Variants in TMEM117 observed in about 807,000 individuals in gnomAD.
TMEM117 encodes transmembrane protein 117.
A neutral mutation model predicts 52.4 loss-of-function variants in TMEM117; 27 were observed. The observed-to-expected ratio is 0.51, with a 90% CI of 0.38 to 0.71. TMEM117 has a LOEUF of 0.71. Among genes scored for constraint, TMEM117 ranks in the 30% least tolerant of loss-of-function variants. The probability of loss-of-function intolerance (pLI) is 0.00; values close to 1 mark genes in which losing one functional copy is unlikely to be tolerated. For missense variants in TMEM117, 556 were observed against 630.5 expected (o/e 0.88, Z 1.26); for synonymous variants, 215 against 206.3 (o/e 1.04, Z -0.36).
chr12:43,995,162 T>G (rs1226290192), intron 3 of TMEM117, among the ~76,000 whole-genome samples: 1 of 151,618 alleles, frequency 6.6e-6, no homozygotes, highest in East Asian at 1.9e-4. Context: ...TCCCAGTTAC[T>G]CAGGAGGCTG....
intron 3 of TMEM117, among the ~76,000 whole-genome samples, chr12:43,961,678 C>A (rs76876041): frequency 2.0e-5 from 3 of 152,018 alleles, no homozygotes; most frequent in Non-Finnish European, 4.4e-5. Context: ...AAATTTGATA[C>A]AATTATGGAT....
At chr12:43,976,752 C>T (rs1945677563) in intron 3 of TMEM117, among the ~76,000 whole-genome samples, 1 of 152,124 alleles carries the variant, frequency 6.6e-6, no homozygotes, top group Admixed American at 6.6e-5. Flanking sequence ...CCTACATCTC[C>T]CCCTTTTCTG....
intron 6 of TMEM117, among the ~76,000 whole-genome samples, chr12:44,357,753 T>C (rs543143140): frequency 3.2e-4 from 49 of 152,084 alleles, no homozygotes; most frequent in Non-Finnish European, 5.3e-4. Context: ...CTGTGGAAAG[T>C]AGTTTGGAGA....
intron 6 of TMEM117, among the ~76,000 whole-genome samples, chr12:44,343,843 C>T (rs1951448866): frequency 6.6e-6 from 1 of 152,070 alleles, no homozygotes; most frequent in Admixed American, 6.6e-5. Context: ...TCAGAGTCTC[C>T]ACTGGACTAT....
At chr12:44,086,030 A>G (rs1273832195) in intron 3 of TMEM117, among the ~76,000 whole-genome samples, 1 of 152,132 alleles carries the variant, frequency 6.6e-6, no homozygotes, top group Non-Finnish European at 1.5e-5. Flanking sequence ...TCCTTTACCA[A>G]GGTTTCTTGC....
chr12:44,340,326 G>T (rs1454000202), intron 6 of TMEM117, among the ~76,000 whole-genome samples: 1 of 152,018 alleles, frequency 6.6e-6, no homozygotes, highest in Non-Finnish European at 1.5e-5. Context: ...CCCAAGAAAG[G>T]CTCAACCTCA....
chr12:43,907,965 G>A (rs2137523394), intron 2 of TMEM117, among the ~76,000 whole-genome samples: 1 of 77,778 alleles, frequency 1.3e-5, no homozygotes, highest in African/African-American at 2.9e-5. Flanking sequence ...AGCAAGGCAG[G>A]CCAACATTCA....
At chr12:44,031,739 T>C (rs940744335) in intron 3 of TMEM117, among the ~76,000 whole-genome samples, 3 of 152,226 alleles carry the variant, frequency 2.0e-5, no homozygotes, top group Middle Eastern at 3.2e-3. Context: ...TCTACCTGAT[T>C]TGTCCATAAT....
rs1010307908 is a variant in TMEM117, at chr12:43,918,210, A to G, written c.278-26000A>G. On this transcript the variant is annotated intron_variant, in intron 2 of 7. Transcript: ENST00000266534. ...ACGTCATTCTGTCATTGCCTGGAACAGTTCTTTTTTTCTTTTCTTAATATA... is the reference window on the plus strand; with the variant it reads ...ACGTCATTCTGTCATTGCCTGGAACGGTTCTTTTTTTCTTTTCTTAATATA... Among the ~76,000 whole-genome samples, 3 of 152,136 alleles carry G rather than the reference A, an allele frequency of 2.0e-5. No homozygotes were observed. In the East Asian group the frequency reaches 5.8e-4, roughly 29 times the overall value.
At chr12:44,205,787 A>C (rs890097090) in intron 4 of TMEM117, among the ~76,000 whole-genome samples, 5 of 152,246 alleles carry the variant, frequency 3.3e-5, no homozygotes, top group Non-Finnish European at 7.3e-5. Context: ...TGCAGAGAAA[A>C]ATGAATGCCT....
intron 3 of TMEM117, among the ~76,000 whole-genome samples, chr12:44,033,503 T>C: frequency 6.6e-6 from 1 of 152,190 alleles, no homozygotes; most frequent in East Asian, 1.9e-4. Flanking sequence ...ACCGATCCTT[T>C]ATTTCCATAA....
At chr12:44,126,643 G>A (rs573657368) in intron 3 of TMEM117, among the ~76,000 whole-genome samples, 3 of 152,120 alleles carry the variant, frequency 2.0e-5, no homozygotes, top group South Asian at 2.1e-4. Context: ...TACACAGTGC[G>A]CTAGTTGCAG....
rs115527749 is a variant in TMEM117 at position 44,232,413 on chromosome 12, T to A, written c.608+21026T>A. Among the ~76,000 whole-genome samples, 1,163 of 151,618 alleles carry A rather than the reference T, an allele frequency of 7.7e-3. 16 individuals carry two copies. Among genetic ancestry groups the A allele is most frequent in the African/African-American group, 0.026 (1,072 of 41,508 alleles). The stretch of plus-strand genomic sequence containing the variant: ...CTGCAGTGCTACCTTTGCCATATAA[T>A]GTACATTTATTTGTGGGTCTATTTT... On this transcript the variant is annotated intron_variant, in intron 5 of 7. Transcript: ENST00000266534.
In TMEM117 at chr12:43,940,360, G is replaced by C. The variant is rs140261765; in HGVS notation, c.278-3850G>C. 2.6e-5 allele frequency among the ~76,000 whole-genome samples: 4 copies of C among 152,204 alleles called. No individual in the cohort carries two copies. In the East Asian group the frequency reaches 7.7e-4, roughly 29 times the overall value. ...ATGTGAAAATCACTCCTAAAGAAAA[G>C]GGACCTAGAACTCTCAATTTAAAAA... On this transcript the variant is annotated intron_variant, in intron 2 of 7. Coordinates refer to ENST00000266534, the MANE Select transcript of TMEM117 (RefSeq NM_032256.3).
At chr12:43,949,967 C>A (rs982821414) in intron 3 of TMEM117, among the ~76,000 whole-genome samples, 1 of 152,166 alleles carries the variant, frequency 6.6e-6, no homozygotes, top group African/African-American at 2.4e-5. Flanking sequence ...CTGGACACCC[C>A]TCCCCAAATA....
intron 3 of TMEM117, among the ~76,000 whole-genome samples, chr12:43,972,085 G>A (rs1010826887): frequency 2.6e-5 from 4 of 152,162 alleles, no homozygotes; most frequent in African/African-American, 9.7e-5. Flanking sequence ...TGCATTGTTA[G>A]GGCCTAATAG....
intron 3 of TMEM117, among the ~76,000 whole-genome samples, chr12:44,131,453 A>G (rs1018690966): frequency 1.3e-5 from 2 of 152,070 alleles, no homozygotes; most frequent in African/African-American, 4.8e-5. Flanking sequence ...AAGAATGTGC[A>G]TTCTGTAGTT....
chr12:43,816,664 A>G, the TMEM117 span, among the ~76,000 whole-genome samples: 2 of 152,218 alleles, frequency 1.3e-5, no homozygotes, highest in Admixed American at 6.5e-5. Flanking sequence ...ATACTTAGCC[A>G]TCATATGCCA....
chr12:44,235,127 G>A (rs1475362690), intron 5 of TMEM117, among the ~76,000 whole-genome samples: 1 of 151,456 alleles, frequency 6.6e-6, no homozygotes, highest in African/African-American at 2.4e-5. Flanking sequence ...CATCTTAAGT[G>A]GTGCATAGAA....
Sources: allele counts gnomAD v4.1 joint callset (sites outside exome capture counted in the v4.1 genomes callset), GRCh38; gene constraint gnomAD v4.1.1; transcripts MANE v1.5; gene names NCBI Gene and HGNC (gene_info 2026-07-23, HGNC 2026-07-21).